Variants in DHDDS observed in about 807,000 individuals in gnomAD.
The protein encoded by DHDDS is dehydrodolichyl diphosphate synthase subunit.
In DHDDS, 16 loss-of-function variants were observed where a neutral mutation model predicts 46.2. The observed-to-expected ratio is 0.35, with a 90% CI of 0.23 to 0.53. DHDDS has a LOEUF of 0.53. Among genes scored for constraint, DHDDS ranks in the 20% least tolerant of loss-of-function variants. DHDDS has a pLI of 0.94. For synonymous variants in DHDDS, 151 were observed against 163.1 expected (o/e 0.93, Z 0.56); for missense variants, 340 against 423.7 (o/e 0.80, Z 1.73).
chr1:26,435,894 T>G (rs1281545211), intron 2 of DHDDS, among the ~76,000 whole-genome samples: 1 of 152,162 alleles, frequency 6.6e-6, no homozygotes, highest in Non-Finnish European at 1.5e-5. Flanking sequence ...ATTACAGGCA[T>G]GAGCCACTGT....
intron 8 of DHDDS, 61 bp downstream of exon 8, chr1:26,460,205 T>C: frequency 7.6e-7 from 1 of 1,316,670 alleles, no homozygotes; most frequent in Non-Finnish European, 1.1e-6. Flanking sequence ...TAGCATTGAT[T>C]GACAACCACC....
At chr1:26,436,177 C>A (rs970340298) in intron 2 of DHDDS, among the ~76,000 whole-genome samples, 1 of 152,008 alleles carries the variant, frequency 6.6e-6, no homozygotes, top group Non-Finnish European at 1.5e-5. Flanking sequence ...TCGAGTAGAT[C>A]TCTTGATCCC....
intron 2 of DHDDS, among the ~76,000 whole-genome samples, chr1:26,434,316 A>G (rs2075132422): frequency 6.6e-6 from 1 of 152,222 alleles, no homozygotes. Flanking sequence ...CAGGCTGTCA[A>G]GCAGCAGGTA....
intron 4 of DHDDS, among the ~76,000 whole-genome samples, chr1:26,443,870 G>C (rs2124412113): frequency 6.6e-6 from 1 of 152,312 alleles, no homozygotes; most frequent in East Asian, 1.9e-4. Context: ...CTATATGCCA[G>C]GCTTTGAGCC....
At chr1:26,447,794 A>G (rs1452419477) in intron 6 of DHDDS, 134 bp downstream of exon 6, 1 of 766,362 alleles carries the variant, frequency 1.3e-6, no homozygotes, top group South Asian at 1.5e-5. Context: ...GGAGTTCAAG[A>G]CCAGCCTGGC....
At chr1:26,441,361 G>A (rs1257793126) in intron 3 of DHDDS, among the ~76,000 whole-genome samples, 2 of 152,038 alleles carry the variant, frequency 1.3e-5, no homozygotes, top group East Asian at 2.0e-4. Context: ...ACCGCACCCA[G>A]CTAAGTTTCT....
intron 8 of DHDDS, among the ~76,000 whole-genome samples, chr1:26,463,885 GC>G (rs1428545824): frequency 2.0e-5 from 3 of 152,082 alleles, no homozygotes; most frequent in African/African-American, 7.2e-5. Flanking sequence ...TTAGGTTGTG[GC>G]CATAGCAATT....
Position 26,468,939 on chromosome 1 carries a change from G to A in DHDDS, c.810G>A (p.Leu270=). ...MYAEERKRQQ[L]ERDQATVTEQ... ...CAGAGGAGCGGAAGAGGCAGCAGCT[G>A]GAGAGGGACCAGGCTACAGTGACAG... The change falls in exon 9 of 9, where the codon CTG becomes CTA. Residue 270 remains leucine (L), a synonymous_variant. Coordinates refer to ENST00000236342, the MANE Select transcript of DHDDS (RefSeq NM_205861.3). 6.2e-7 allele frequency: 1 copy of A among 1,614,178 alleles called. No homozygotes were observed. Among genetic ancestry groups the A allele is most frequent in the Non-Finnish European group, 8.5e-7 (1 of 1,180,026 alleles).
chr1:26,451,860 C>T lies in DHDDS; in HGVS notation c.542+4200C>T, dbSNP rs138755687. Among the ~76,000 whole-genome samples, 465 of 152,086 alleles carry T rather than the reference C, an allele frequency of 3.1e-3. 3 individuals carry two copies. Among genetic ancestry groups the T allele is most frequent in the African/African-American group, 0.011 (444 of 41,492 alleles). On this transcript the variant is annotated intron_variant, in intron 6 of 8. Coordinates refer to ENST00000236342, the MANE Select transcript of DHDDS (RefSeq NM_205861.3). ...AGCCAGGATGGTCTCGATCTCCTGA[C>T]CTCGTGATCTGCCTGCCTCGGCCTC...
intron 6 of DHDDS, among the ~76,000 whole-genome samples, chr1:26,451,446 G>A (rs995512263): frequency 1.7e-5 from 2 of 114,960 alleles, no homozygotes; most frequent in Non-Finnish European, 3.5e-5. Context: ...GTGTGTGTGT[G>A]TGTGTATTTT....
Position 26,457,800 on chromosome 1 carries a change from T to A in DHDDS, c.552T>A (p.Ser184=). ...EQGLLDPSDI[S]ESLLDKCLYT... ...TTCTTGCTCATCTTAGTGATATCTC[T>A]GAGTCTCTGCTTGATAAGTGCCTCT... Residue 184 remains serine, a synonymous_variant, in exon 7 of 9, where the codon TCT becomes TCA. Coordinates refer to ENST00000236342, the MANE Select transcript of DHDDS (RefSeq NM_205861.3). The A allele has an allele frequency of 6.2e-7, 1 of 1,611,764 alleles. No homozygotes were observed. Among genetic ancestry groups the A allele is most frequent in the Middle Eastern group, 1.7e-4 (1 of 6,056 alleles).
At chr1:26,447,757 G>A (rs1443813726) in intron 6 of DHDDS, 97 bp downstream of exon 6, 2 of 1,106,600 alleles carry the variant, frequency 1.8e-6, no homozygotes, top group Non-Finnish European at 2.7e-6. Context: ...AGGAGGCCGA[G>A]GTGGGCAGTC....
At chr1:26,450,436 T>G (rs2075309140) in intron 6 of DHDDS, among the ~76,000 whole-genome samples, 1 of 152,190 alleles carries the variant, frequency 6.6e-6, no homozygotes, top group Non-Finnish European at 1.5e-5. Flanking sequence ...TGTGAGCCAC[T>G]CAGCCCTGCC....
In DHDDS at chr1:26,446,334, T is replaced by C; in HGVS notation, c.342T>C (p.His114=). 1 of 1,613,838 alleles carries C rather than the reference T, an allele frequency of 6.2e-7. No individual in the cohort carries two copies. The change falls in exon 5 of 9, where the codon CAT becomes CAC. Residue 114 remains histidine, a synonymous_variant. Coordinates refer to ENST00000236342, the MANE Select transcript of DHDDS (RefSeq NM_205861.3). ...LMEEKEKLQK[H]GVCIRVLGDL... The stretch of plus-strand genomic sequence containing the variant: ...TGATCAGGGAGAAACTGCAGAAGCA[T>C]GGGGTGTGTATCCGGGTCCTGGGCG...
In DHDDS at chr1:26,468,946, G is replaced by T. The variant is rs182263884; in HGVS notation, c.817G>T (p.Asp273Tyr). 6.2e-7 allele frequency: 1 copy of T among 1,614,166 alleles called. No individual in the cohort carries two copies. The highest frequency in any genetic ancestry group is 2.2e-5 in the East Asian group (1 of 44,876). The change falls in exon 9 of 9, where the codon GAC (aspartate) becomes TAC (tyrosine). Residue 273 changes from aspartate to tyrosine, a missense_variant. By Grantham distance (160) the Asp-to-Tyr change is radical. Coordinates refer to ENST00000236342, the MANE Select transcript of DHDDS (RefSeq NM_205861.3). ...GCGGAAGAGGCAGCAGCTGGAGAGG[G>T]ACCAGGCTACAGTGACAGAGCAGCT... ...EERKRQQLER[D>Y]QATVTEQLLR...
chr1:26,470,513 AGTTGTAGCAAGAGC>A lies in DHDDS; in HGVS notation c.*1383_*1396del, dbSNP rs1407107504. On this transcript the variant is annotated 3_prime_UTR_variant, in exon 9 of 9. Transcript: ENST00000236342. ...TCTAGGGGAGAGGTGAAATCTTGCA[AGTTGTAGCAAGAGC>A]ACACAGGAAACCCCTAACTTTCCTA... The A allele has an allele frequency of 6.6e-6, 1 of 152,116 alleles. No individual in the cohort carries two copies. Among genetic ancestry groups the A allele is most frequent in the Admixed American group, 6.6e-5 (1 of 15,266 alleles). 9.4% of individuals were successfully genotyped at this position (152,116 alleles called of 1,614,324 possible). A position where few individuals can be genotyped will look rare whatever the true frequency, so the allele number is the denominator to read the frequency against.
At chr1:26,433,571 C>G (rs1299787619) in intron 2 of DHDDS, among the ~76,000 whole-genome samples, 1 of 151,596 alleles carries the variant, frequency 6.6e-6, no homozygotes, top group Admixed American at 6.6e-5. Context: ...ATTTCTTGAG[C>G]CCAGGTCAAA....
Position 26,460,091 on chromosome 1 carries a change from TGGAACCTCTTCGA to T in DHDDS, c.715_727del (p.Asn239ProfsTer7). ...CGTTCTGTGGCCAGAGTATACATTT[TGGAACCTCTTCGA>T]GGCCATCCTGCAGTTCCAGATGAAC... is the stretch of plus-strand genomic sequence containing the variant. On this transcript the variant is annotated frameshift_variant, in exon 8 of 9. Coordinates refer to ENST00000236342, the MANE Select transcript of DHDDS (RefSeq NM_205861.3). LOFTEE classifies it high-confidence loss of function. The T allele has an allele frequency of 6.2e-7, 1 of 1,614,218 alleles. No individual in the cohort carries two copies. Among genetic ancestry groups the T allele is most frequent in the Non-Finnish European group, 8.5e-7 (1 of 1,180,038 alleles).
intron 1 of DHDDS, 21 bp from the exon 2 acceptor site, chr1:26,432,870 T>G: frequency 6.5e-7 from 1 of 1,544,890 alleles, no homozygotes. Flanking sequence ...GACTTCTTAT[T>G]TTCTTTCTTG....
Sources: allele counts gnomAD v4.1 joint callset (sites outside exome capture counted in the v4.1 genomes callset), GRCh38; gene constraint gnomAD v4.1.1; transcripts MANE v1.5; gene names NCBI Gene and HGNC (gene_info 2026-07-23, HGNC 2026-07-21).